BTG4: variants seen among roughly 807,000 people sequenced by gnomAD.
BTG4 encodes the protein BTG anti-proliferation factor 4.
In BTG4, 10 loss-of-function variants were observed where a neutral mutation model predicts 19.3. That is an observed-to-expected ratio of 0.52 (90% CI 0.32 to 0.88). The LOEUF (loss-of-function observed/expected upper bound fraction) is 0.88, where lower values mean the gene tolerates loss of function less well. Among genes scored for constraint, BTG4 ranks in the 40% least tolerant of loss-of-function variants. The probability of loss-of-function intolerance (pLI) is 0.04; values close to 1 mark genes in which losing one functional copy is unlikely to be tolerated. For missense variants in BTG4, 238 were observed against 281.9 expected, an observed-to-expected ratio of 0.84 and a Z score of 1.11; for synonymous variants, 91 against 95.7, an observed-to-expected ratio of 0.95 and a Z score of 0.29.
chr11:111,508,581 T>C (rs1461860218), intron 1 of BTG4, among the ~76,000 whole-genome samples: 1 of 151,982 alleles, frequency 6.6e-6, no homozygotes, highest in Non-Finnish European at 1.5e-5. Flanking sequence ...TCCCTCTTCA[T>C]CTCTAGTATT....
At chr11:111,442,137 T>C in the BTG4 span, among the ~76,000 whole-genome samples, 21 of 152,170 alleles carry the variant, frequency 1.4e-4, no homozygotes, top group Non-Finnish European at 2.8e-4. Flanking sequence ...TGGTTTCTAA[T>C]AACATTCTCC....
chr11:111,496,061 T>C (rs1317038800), intron 4 of BTG4, among the ~76,000 whole-genome samples: 1 of 152,164 alleles, frequency 6.6e-6, no homozygotes, highest in East Asian at 1.9e-4. Context: ...ATAAAGAACC[T>C]ACAATAATAC....
At chr11:111,456,656 C>G in the BTG4 span, 1 of 416,944 alleles carries the variant, frequency 2.4e-6, no homozygotes, top group Admixed American at 2.5e-5. The surrounding 1 kb of genome is among the most constrained non-coding windows in gnomAD (Gnocchi z 4.2). Context: ...CACCCTGACA[C>G]TGGGAGGGTG....
At chr11:111,497,120 T>C in intron 4 of BTG4, 91 bp downstream of exon 4, 3 of 1,293,720 alleles carry the variant, frequency 2.3e-6, no homozygotes, top group Non-Finnish European at 3.2e-6. Flanking sequence ...GTTCTTTCCA[T>C]GTTTTTTTGC....
At chr11:111,480,500 A>G (rs1451019179) in intron 5 of BTG4, among the ~76,000 whole-genome samples, 2 of 152,028 alleles carry the variant, frequency 1.3e-5, no homozygotes, top group Non-Finnish European at 2.9e-5. Flanking sequence ...CAACAACAAC[A>G]GGATGTACAT....
chr11:111,498,666 G>C lies in BTG4; in HGVS notation c.111C>G (p.Ile37Met). ...AGTGACTTCTGTATGTTTCAAACAA[G>C]ATCGTCATCAGCTTTTCTGCAAAGT... Reference protein sequence around the residue: ...IEDFAEKLMTILFETYRSHWH... With the variant: ...IEDFAEKLMTMLFETYRSHWH... Residue 37 changes from isoleucine (I) to methionine (M), a missense_variant, in exon 2 of 5, where the codon ATC becomes ATG. Coordinates refer to ENST00000692032, the MANE Select transcript of BTG4 (RefSeq NM_001367975.1). 1 of 1,613,870 alleles carries C rather than the reference G, an allele frequency of 6.2e-7. No homozygotes were observed. Among genetic ancestry groups the C allele is most frequent in the Admixed American group, 1.7e-5 (1 of 59,956 alleles).
chr11:111,429,139 C>T, the BTG4 span, among the ~76,000 whole-genome samples: 3 of 152,168 alleles, frequency 2.0e-5, no homozygotes, highest in African/African-American at 7.2e-5. Context: ...GCAACCATCA[C>T]CACTATCTAA....
chr11:111,417,998 G>C, the BTG4 span: 2 of 152,186 alleles, frequency 1.3e-5, no homozygotes, highest in Non-Finnish European at 2.9e-5. Flanking sequence ...CGTCGCCTCT[G>C]ATCATCCACG....
chr11:111,402,335 G>A, the BTG4 span, among the ~76,000 whole-genome samples: 4 of 152,084 alleles, frequency 2.6e-5, no homozygotes, highest in East Asian at 7.7e-4. Flanking sequence ...TTTATTAGCA[G>A]TGTGATTAAT....
chr11:111,404,976 T>C, the BTG4 span, among the ~76,000 whole-genome samples: 1 of 152,236 alleles, frequency 6.6e-6, no homozygotes, highest in Admixed American at 6.5e-5. Flanking sequence ...ATAATCCTGC[T>C]TCTTATACAT....
the BTG4 span, among the ~76,000 whole-genome samples, chr11:111,387,918 C>T: frequency 6.6e-6 from 1 of 152,078 alleles, no homozygotes; most frequent in Non-Finnish European, 1.5e-5. Flanking sequence ...GCACCACACA[C>T]TGAACAATGG....
chr11:111,448,783 A>G, the BTG4 span: 7 of 152,438 alleles, frequency 4.6e-5, no homozygotes, highest in African/African-American at 1.7e-4. Context: ...TTTCCAAGTG[A>G]CTTGGGGATA....
At chr11:111,444,184 T>G in the BTG4 span, among the ~76,000 whole-genome samples, 31 of 122,734 alleles carry the variant, frequency 2.5e-4, no homozygotes, top group East Asian at 1.4e-3. Flanking sequence ...CCCTGAGGGG[T>G]GTGTGTGTGT....
the BTG4 span, among the ~76,000 whole-genome samples, chr11:111,432,736 T>C: frequency 6.6e-6 from 1 of 152,230 alleles, no homozygotes; most frequent in Non-Finnish European, 1.5e-5. Context: ...CAAATATGTT[T>C]GGTGGCACAG....
chr11:111,475,782 T>C (rs1864363330), intron 5 of BTG4, among the ~76,000 whole-genome samples: 6 of 152,290 alleles, frequency 3.9e-5, no homozygotes, highest in Middle Eastern at 3.4e-3. Context: ...AAGACATGCT[T>C]CAGACTGGGT....
chr11:111,393,342 G>A, the BTG4 span, among the ~76,000 whole-genome samples: 6 of 152,172 alleles, frequency 3.9e-5, no homozygotes, highest in Non-Finnish European at 7.3e-5. Flanking sequence ...AAAGCAAAGG[G>A]CAGCATTGAA....
At chr11:111,394,852 C>G in the BTG4 span, among the ~76,000 whole-genome samples, 349 of 152,290 alleles carry the variant, frequency 2.3e-3, 3 homozygotes, top group African/African-American at 8.0e-3. Flanking sequence ...TCTTTGTTGG[C>G]TTAATAGTCT....
chr11:111,443,394 T>C, the BTG4 span, among the ~76,000 whole-genome samples: 1 of 152,242 alleles, frequency 6.6e-6, no homozygotes, highest in African/African-American at 2.4e-5. Context: ...TAATAATGTA[T>C]TGGTTCATTA....
In BTG4 at chr11:111,495,049, G is replaced by T; in HGVS notation, c.*86C>A. On this transcript the variant is annotated 3_prime_UTR_variant, in exon 5 of 5. Coordinates refer to ENST00000692032, the MANE Select transcript of BTG4 (RefSeq NM_001367975.1). ...AATATGGTCATTTTTTGTTTCATGG[G>T]CCTCTCAACCTTAAATTCATTTTTA... 7.3e-7 allele frequency: 1 copy of T among 1,378,436 alleles called. No individual in the cohort carries two copies. The highest frequency in any genetic ancestry group is 9.4e-7 in the Non-Finnish European group (1 of 1,067,784). The allele number at this position is 1,378,436 out of a possible 1,614,324, so 85.4% of individuals were successfully genotyped here. A position where few individuals can be genotyped will look rare whatever the true frequency, so the allele number is the denominator to read the frequency against.
Sources: allele counts gnomAD v4.1 joint callset (sites outside exome capture counted in the v4.1 genomes callset), GRCh38; gene constraint gnomAD v4.1.1; non-coding constraint Gnocchi (gnomAD v3.1); transcripts MANE v1.5; gene names NCBI Gene and HGNC (gene_info 2026-07-23, HGNC 2026-07-21).